The following TSPAN9 variants were observed in gnomAD, a reference collection of about 807,000 sequenced individuals.
The protein encoded by TSPAN9 is tetraspanin 9.
TSPAN9 carries 16 observed loss-of-function variants against 31.0 expected under a neutral mutation model. The ratio of observed to expected loss-of-function variants is 0.52; its 90% confidence interval spans 0.35 to 0.78. The LOEUF is 0.78. Among genes scored for constraint, TSPAN9 ranks in the 30% least tolerant of loss-of-function variants. The pLI is 0.01. For missense variants in TSPAN9, 272 were observed against 312.5 expected, an observed-to-expected ratio of 0.87 and a Z score of 0.98; for synonymous variants, 145 against 121.6, an observed-to-expected ratio of 1.19 and a Z score of -1.27.
At chr12:3,163,603 C>T (rs562418168) in intron 2 of TSPAN9, among the ~76,000 whole-genome samples, 20 of 152,294 alleles carry the variant, frequency 1.3e-4, no homozygotes, top group African/African-American at 4.6e-4. Context: ...ACTGTTCTGC[C>T]TACAGCTTTT....
rs564448203 is a variant in TSPAN9 at position 3,152,395 on chromosome 12, AGTCCTTCT to A, written c.-17-48772_-17-48765del. Among the ~76,000 whole-genome samples, 831 of 152,212 alleles carry A rather than the reference AGTCCTTCT, an allele frequency of 5.5e-3. 3 individuals are homozygous for A. Among genetic ancestry groups the A allele is most frequent in the Non-Finnish European group, 8.1e-3 (552 of 68,030 alleles). The stretch of plus-strand genomic sequence containing the variant: ...CCCTCTTTTTGGAAGGTCCTGTGGC[AGTCCTTCT>A]GTCCTTCTGACACACCTGCCCCCAC... On this transcript the variant is annotated intron_variant, in intron 2 of 8. Coordinates refer to ENST00000011898, the MANE Select transcript of TSPAN9 (RefSeq NM_006675.5).
chr12:3,269,177 CCTCTGTGTTTTTCCAGCCTGCCCTCT>C (rs1165720046), intron 3 of TSPAN9, among the ~76,000 whole-genome samples: 1 of 100,940 alleles, frequency 9.9e-6, no homozygotes. Context: ...TGCAGCCTGC[CCTCTGTGTTTTTCCAGCCTGCCCTCT>C]CTGTGTTCCT....
chr12:3,166,745 G>T (rs1241057468), intron 2 of TSPAN9, among the ~76,000 whole-genome samples: 1 of 152,170 alleles, frequency 6.6e-6, no homozygotes, highest in Admixed American at 6.5e-5. Context: ...CTGCTCAGGG[G>T]TAGCCACTAA....
chr12:3,108,573 C>T (rs116584420), intron 2 of TSPAN9, among the ~76,000 whole-genome samples: 2,289 of 152,270 alleles, frequency 0.015, 45 homozygotes, highest in African/African-American at 0.051. Context: ...TGGATCCTTT[C>T]GATCTTGAAA....
intron 3 of TSPAN9, among the ~76,000 whole-genome samples, chr12:3,220,857 C>A (rs762714967): frequency 6.6e-6 from 1 of 152,142 alleles, no homozygotes; most frequent in Non-Finnish European, 1.5e-5. Context: ...CAGGGCCCTT[C>A]CTATCTTAGA....
intron 3 of TSPAN9, among the ~76,000 whole-genome samples, chr12:3,209,234 CA>C (rs10580349): frequency 0.11 from 15,591 of 139,528 alleles, 2,427 homozygotes; most frequent in African/African-American, 0.35. Context: ...GACTCCATCT[CA>C]AAAAAAAAAA....
chr12:3,115,114 A>G (rs1305143081), intron 2 of TSPAN9, among the ~76,000 whole-genome samples: 1 of 144,072 alleles, frequency 6.9e-6, no homozygotes, highest in Non-Finnish European at 1.5e-5. Context: ...GTCAACCATT[A>G]ATGTATCTTT....
intron 2 of TSPAN9, among the ~76,000 whole-genome samples, chr12:3,158,091 G>T (rs1222210167): frequency 6.6e-6 from 1 of 152,182 alleles, no homozygotes. Context: ...GTGCCTGCGG[G>T]GTTTCCTCTT....
rs1405863299 is a variant in TSPAN9 at position 3,286,559 on chromosome 12, A to G, written c.*3443A>G. On this transcript the variant is annotated 3_prime_UTR_variant, in exon 9 of 9. Transcript: ENST00000011898. The surrounding 1 kb of genome is among the most constrained non-coding windows in gnomAD (Gnocchi z 4.1). ...TAAAAACGGATAAAGTGTCAAAAGC[A>G]CAGCAGGCTGTCTCTCAGTGGTGTG... The G allele has an allele frequency of 1.3e-5, 2 of 152,288 alleles. No homozygotes were observed. Among genetic ancestry groups the G allele is most frequent in the Non-Finnish European group, 2.9e-5 (2 of 68,036 alleles). The allele number at this position is 152,288 out of a possible 1,614,324, so 9.4% of individuals were successfully genotyped here. A position where few individuals can be genotyped will look rare whatever the true frequency, so the allele number is the denominator to read the frequency against.
At chr12:3,276,703 C>T (rs527468249) in intron 3 of TSPAN9, among the ~76,000 whole-genome samples, 2 of 152,188 alleles carry the variant, frequency 1.3e-5, no homozygotes, top group Non-Finnish European at 2.9e-5. Flanking sequence ...TCATTTGTTG[C>T]TTACATAAGG....
chr12:3,281,289 AG>A lies in TSPAN9; in HGVS notation c.527del (p.Gly176AlafsTer19). On this transcript the variant is annotated frameshift_variant, in exon 7 of 9. Transcript: ENST00000011898. LOFTEE classifies it high-confidence loss of function. ...GACCGCTGCTGCATGGAGAACTCCC[AG>A]GGCTGCGGGCGCAACGCCACCACGC... ...VPDRCCMENS[Q>X]GCGRNATTPL... 1 of 1,551,176 alleles carries A rather than the reference AG, an allele frequency of 6.4e-7. No homozygotes were observed.
At chr12:3,136,037 A>G (rs9888391) in intron 2 of TSPAN9, among the ~76,000 whole-genome samples, 65,133 of 152,022 alleles carry the variant, frequency 0.43, 14,403 homozygotes, top group Admixed American at 0.52. Flanking sequence ...AGGAGTCCCC[A>G]GCTTGGTAGC....
At chr12:3,228,206 G>A (rs2098388873) in intron 3 of TSPAN9, among the ~76,000 whole-genome samples, 1 of 152,056 alleles carries the variant, frequency 6.6e-6, no homozygotes. Context: ...AGAAAAATTA[G>A]CCAAATGTGG....
At chr12:3,218,095 A>G (rs1317846452) in intron 3 of TSPAN9, among the ~76,000 whole-genome samples, 4 of 152,100 alleles carry the variant, frequency 2.6e-5, no homozygotes, top group African/African-American at 7.2e-5. Context: ...GCAGGACAAT[A>G]TGGGATGTGT....
rs1255864578 is a variant in TSPAN9, at chr12:3,192,444, G to C, written c.-17-8733G>C. 6.6e-6 allele frequency among the ~76,000 whole-genome samples: 1 copy of C among 152,196 alleles called. No homozygotes were observed. Among genetic ancestry groups the C allele is most frequent in the Non-Finnish European group, 1.5e-5 (1 of 68,046 alleles). On this transcript the variant is annotated intron_variant, in intron 2 of 8. Coordinates refer to ENST00000011898, the MANE Select transcript of TSPAN9 (RefSeq NM_006675.5). This position sits in a 1 kb window ranked among gnomAD's most constrained non-coding sequence, Gnocchi z 4.6. Reference sequence around the variant, plus strand: ...AGGTGCAGGGAGGCTCTGCGGCTTGGACTTGTGTTTGCTTCGAGGTGGGAG... The same window carrying C: ...AGGTGCAGGGAGGCTCTGCGGCTTGCACTTGTGTTTGCTTCGAGGTGGGAG...
Position 3,129,614 on chromosome 12 carries a change from T to G in TSPAN9, c.-18+45895T>G, listed in dbSNP as rs143289630. On this transcript the variant is annotated intron_variant, in intron 2 of 8. Transcript: ENST00000011898. ...TTTGTCCACTTATGAAATGGTGATGTTGGTGGTAACTACCTTGTAGGGCTG... is the reference window on the plus strand; with the variant it reads ...TTTGTCCACTTATGAAATGGTGATGGTGGTGGTAACTACCTTGTAGGGCTG... Among the ~76,000 whole-genome samples the G allele has an allele frequency of 1.1e-3, 171 of 152,308 alleles. 3 individuals carry two copies. Among genetic ancestry groups the G allele is most frequent in the African/African-American group, 3.2e-3 (135 of 41,576 alleles).
intron 3 of TSPAN9, among the ~76,000 whole-genome samples, chr12:3,249,488 C>T (rs1031354273): frequency 4.6e-5 from 7 of 152,230 alleles, no homozygotes; most frequent in Non-Finnish European, 1.0e-4. Flanking sequence ...GGCAGAACCT[C>T]TGAATTCCTC....
chr12:3,086,018 ACT>A (rs1369703415), intron 2 of TSPAN9, among the ~76,000 whole-genome samples: 2 of 151,368 alleles, frequency 1.3e-5, no homozygotes, highest in South Asian at 2.1e-4. Flanking sequence ...TTTGGTTTAA[ACT>A]CTCTTCTTCG....
In TSPAN9 at chr12:3,095,924, C is replaced by T. The variant is rs561513472; in HGVS notation, c.-18+12205C>T. On this transcript the variant is annotated intron_variant, in intron 2 of 8. Coordinates refer to ENST00000011898, the MANE Select transcript of TSPAN9 (RefSeq NM_006675.5). ...CCAGGCAGAGACACTCCTCACTTCC[C>T]AGACGGGGTGGCGGCCGGGCAGAGG... Among the ~76,000 whole-genome samples, 44 of 149,364 alleles carry T rather than the reference C, an allele frequency of 2.9e-4. 2 individuals carry two copies. The East Asian group carries it at 8.8e-3, about 30-fold the overall frequency.
Sources: gnomAD v4.1 joint callset for allele counts (sites outside exome capture counted in the v4.1 genomes callset) on GRCh38, gnomAD v4.1.1 for gene constraint, Gnocchi (gnomAD v3.1) non-coding constraint, MANE v1.5 for transcripts, NCBI Gene and HGNC (gene_info 2026-07-23, HGNC 2026-07-21) for gene names.